The following LNPEP variants were observed in gnomAD, a reference collection of about 807,000 sequenced individuals.
LNPEP encodes the protein leucyl and cystinyl aminopeptidase, also known as leucyl-cystinyl aminopeptidase.
A neutral mutation model predicts 120.6 loss-of-function variants in LNPEP; 64 were observed. The ratio of observed to expected loss-of-function variants is 0.53; its 90% confidence interval spans 0.43 to 0.65. The LOEUF is 0.65. Among genes scored for constraint, LNPEP ranks in the 30% least tolerant of loss-of-function variants. The pLI is 0.00. For missense variants in LNPEP, 1,057 were observed against 1,200.0 expected, an observed-to-expected ratio of 0.88 and a Z score of 1.76; for synonymous variants, 435 against 425.4, an observed-to-expected ratio of 1.02 and a Z score of -0.28.
In LNPEP at chr5:97,026,617, G is replaced by T. The variant is rs796425035; in HGVS notation, c.2724G>T (p.Trp908Cys). Residue 908 changes from tryptophan (W) to cysteine (C), a missense_variant and splice_region_variant, in exon 16 of 18, where the codon TGG (tryptophan) becomes TGT (cysteine). Transcript: ENST00000231368. ...ASSEDVRKLY[W>C]LMKSSLNGDN... is the part of the protein sequence containing the mutation. ...AGGCTAAATCTGCTTTGCTCTTCAG[G>T]TTAATGAAAAGTAGCCTGAATGGAG... 1 of 1,612,080 alleles carries T rather than the reference G, an allele frequency of 6.2e-7. No individual in the cohort carries two copies. The highest frequency in any genetic ancestry group is 1.3e-5 in the African/African-American group (1 of 74,856).
chr5:97,033,050 ATAGAG>A lies in LNPEP; in HGVS notation c.*4521_*4525del, dbSNP rs993712483. Reference sequence around the variant, plus strand: ...TTACTGCCTATTTAGGCAATAGCTAATAGAGTAGTTTGTTTTGTTTTGGGGTGTGG... The same window carrying A: ...TTACTGCCTATTTAGGCAATAGCTAATAGTTTGTTTTGTTTTGGGGTGTGG... On this transcript the variant is annotated 3_prime_UTR_variant, in exon 18 of 18. Transcript: ENST00000231368. 12 of 152,208 alleles carry A rather than the reference ATAGAG, an allele frequency of 7.9e-5. No individual in the cohort carries two copies. The highest frequency in any genetic ancestry group is 2.9e-4 in the African/African-American group (12 of 41,446). The allele number at this position is 152,208 out of a possible 1,614,324, so 9.4% of individuals were successfully genotyped here.
At chr5:97,001,651 T>C (rs1219590052) in intron 8 of LNPEP, among the ~76,000 whole-genome samples, 2 of 152,112 alleles carry the variant, frequency 1.3e-5, no homozygotes, top group Admixed American at 6.5e-5. Flanking sequence ...ACTTTCTTCA[T>C]TGGAAGATGA....
rs150401290 is a variant in LNPEP, at chr5:97,012,204, C to T, written c.2036-1444C>T. Among the ~76,000 whole-genome samples, 918 of 151,944 alleles carry T rather than the reference C, an allele frequency of 6.0e-3. 4 individuals carry two copies. The highest frequency in any genetic ancestry group is 9.1e-3 in the South Asian group (44 of 4,820). On this transcript the variant is annotated intron_variant, in intron 11 of 17. Transcript: ENST00000231368. ...CTTATGAAGACAATGGAAAAATGTG[C>T]GGGGGGATCTGATAGGTGAAAAAGG...
chr5:96,979,688 C>G lies in LNPEP; in HGVS notation c.570C>G (p.Phe190Leu). 1 of 1,614,054 alleles carries G rather than the reference C, an allele frequency of 6.2e-7. No individual in the cohort carries two copies. Among genetic ancestry groups the G allele is most frequent in the African/African-American group, 1.3e-5 (1 of 75,036 alleles). ...SLHPNLTSMT[F>L]RGSVTISVQA... The stretch of plus-strand genomic sequence containing the variant: ...ACCCGAACCTAACCTCGATGACATT[C>G]AGGGGTTCTGTGACAATTTCAGTTC... The change falls in exon 2 of 18, where the codon TTC (phenylalanine) becomes TTG (leucine). Residue 190 changes from phenylalanine (F) to leucine (L), a missense_variant. Physicochemically the swap from Phe to Leu is conservative, Grantham distance 22. Transcript: ENST00000231368.
rs935725072 is a variant in LNPEP, at chr5:97,003,294, T to C, written c.1654-121T>C. ...AGACTAAGTAGCAGTATATTATAAC[T>C]AAGTTCTACATATGAAAGTAAATTT... On this transcript the variant is annotated intron_variant, in intron 8 of 17. Coordinates refer to ENST00000231368, the MANE Select transcript of LNPEP (RefSeq NM_005575.3). 14 of 583,360 alleles carry C rather than the reference T, an allele frequency of 2.4e-5. No individual in the cohort carries two copies. The Admixed American group carries it at 4.3e-4, about 18-fold the overall frequency. The allele number at this position is 583,360 out of a possible 1,614,324, so 36.1% of individuals were successfully genotyped here. A position where few individuals can be genotyped will look rare whatever the true frequency, so the allele number is the denominator to read the frequency against.
At position 96,996,480 on chromosome 5, in the gene LNPEP, A is replaced by G; in HGVS notation, c.1498A>G (p.Lys500Glu). 2 of 1,595,872 alleles carry G rather than the reference A, an allele frequency of 1.3e-6. No individual in the cohort carries two copies. Among genetic ancestry groups the G allele is most frequent in the Non-Finnish European group, 1.7e-6 (2 of 1,164,214 alleles). Residue 500 changes from lysine to glutamate, a missense_variant, in exon 7 of 18, where the codon AAA (lysine) becomes GAA (glutamate). Coordinates refer to ENST00000231368, the MANE Select transcript of LNPEP (RefSeq NM_005575.3). ...ATFMEYFSLEKIFKELSSYED... is the reference protein window; with the variant it reads ...ATFMEYFSLEEIFKELSSYED... ...TTTCATGGAGTATTTCTCTTTGGAAAAAATATTCAAAGAGCTTTCTAGTGT... is the reference window on the plus strand; with the variant it reads ...TTTCATGGAGTATTTCTCTTTGGAAGAAATATTCAAAGAGCTTTCTAGTGT...
intron 1 of LNPEP, among the ~76,000 whole-genome samples, chr5:96,955,539 C>A (rs1789446627): frequency 6.6e-6 from 1 of 152,154 alleles, no homozygotes; most frequent in Non-Finnish European, 1.5e-5. Context: ...CACTTGAACC[C>A]AGGAGGCAGA....
intron 10 of LNPEP, 73 bp downstream of exon 10, chr5:97,006,306 T>A: frequency 7.1e-7 from 1 of 1,400,536 alleles, no homozygotes; most frequent in Non-Finnish European, 9.9e-7. Flanking sequence ...TGTTTTATAA[T>A]CATAAGTTCT....
chr5:96,998,151 G>T lies in LNPEP; in HGVS notation c.1653+6G>T. ...ATTCTCTTTCCTATTTTAAGGTATT[G>T]CTGTGAACAAAAAGGTAGCTGGAGT... On this transcript the variant is annotated splice_donor_region_variant and intron_variant, in intron 8 of 17. Coordinates refer to ENST00000231368, the MANE Select transcript of LNPEP (RefSeq NM_005575.3). 6.3e-7 allele frequency: 1 copy of T among 1,587,080 alleles called. No homozygotes were observed. The highest frequency in any genetic ancestry group is 1.2e-5 in the South Asian group (1 of 86,192).
At chr5:97,028,377 A>C in intron 17 of LNPEP, 25 bp from the exon 18 acceptor site, 1 of 1,612,034 alleles carries the variant, frequency 6.2e-7, no homozygotes, top group South Asian at 1.1e-5. Context: ...TCTTCTTTTG[A>C]AATTCTTCTG....
intron 1 of LNPEP, among the ~76,000 whole-genome samples, chr5:96,950,713 G>T (rs1330609971): frequency 2.0e-5 from 3 of 152,270 alleles, no homozygotes; most frequent in Middle Eastern, 3.4e-3. Flanking sequence ...TTAATCAAAG[G>T]TTAAAAATCA....
At position 96,936,122 on chromosome 5, in the gene LNPEP, C is replaced by A; in HGVS notation, c.-34C>A. On this transcript the variant is annotated 5_prime_UTR_variant, in exon 1 of 18. Coordinates refer to ENST00000231368, the MANE Select transcript of LNPEP (RefSeq NM_005575.3). ...CAGCTCTCGGAGTAGGAAGCTCGGGCGCTCCGGCTGTAAGGAGCCGCGGCG... is the reference window on the plus strand; with the variant it reads ...CAGCTCTCGGAGTAGGAAGCTCGGGAGCTCCGGCTGTAAGGAGCCGCGGCG... 1 of 1,513,894 alleles carries A rather than the reference C, an allele frequency of 6.6e-7. No individual in the cohort carries two copies. Among genetic ancestry groups the A allele is most frequent in the Non-Finnish European group, 8.8e-7 (1 of 1,131,318 alleles). 93.8% of individuals were successfully genotyped at this position (1,513,894 alleles called of 1,614,324 possible).
chr5:96,961,389 A>G (rs868570160), intron 1 of LNPEP, among the ~76,000 whole-genome samples: 74 of 152,310 alleles, frequency 4.9e-4, no homozygotes, highest in African/African-American at 1.6e-3. Flanking sequence ...TTAAAAATTA[A>G]AAAAAGAAAT....
chr5:97,028,208 T>A (rs1000712703), intron 17 of LNPEP, among the ~76,000 whole-genome samples, 194 bp from the exon 18 acceptor site: 1 of 152,216 alleles, frequency 6.6e-6, no homozygotes, highest in Non-Finnish European at 1.5e-5. Context: ...ATTTCCTTTT[T>A]AAAATCATTT....
chr5:96,990,579 C>T (rs1338503920), intron 4 of LNPEP, among the ~76,000 whole-genome samples: 2 of 152,100 alleles, frequency 1.3e-5, no homozygotes, highest in African/African-American at 4.8e-5. Context: ...TTGTGTCACG[C>T]ACTAATCTAA....
At position 97,035,595 on chromosome 5, in the gene LNPEP, G is replaced by A. The variant is rs889996268; in HGVS notation, c.*7062G>A. Reference sequence around the variant, plus strand: ...CAGTAGCTAGTGTAGTTATTTTGTGGTTATTTTATTTCATTCTCTAGGATC... The same window carrying A: ...CAGTAGCTAGTGTAGTTATTTTGTGATTATTTTATTTCATTCTCTAGGATC... On this transcript the variant is annotated 3_prime_UTR_variant, in exon 18 of 18. Coordinates refer to ENST00000231368, the MANE Select transcript of LNPEP (RefSeq NM_005575.3). 2 of 152,036 alleles carry A rather than the reference G, an allele frequency of 1.3e-5. No individual in the cohort carries two copies. The highest frequency in any genetic ancestry group is 2.4e-5 in the African/African-American group (1 of 41,390). The allele number at this position is 152,036 out of a possible 1,614,324, so 9.4% of individuals were successfully genotyped here.
intron 1 of LNPEP, among the ~76,000 whole-genome samples, chr5:96,968,675 T>G (rs1320817109): frequency 6.6e-6 from 1 of 151,924 alleles, no homozygotes; most frequent in East Asian, 1.9e-4. Context: ...TGAAAGAAAC[T>G]AGGAATTTGA....
chr5:97,023,765 C>T (rs144436570), intron 14 of LNPEP, among the ~76,000 whole-genome samples: 68 of 152,216 alleles, frequency 4.5e-4, no homozygotes, highest in African/African-American at 1.6e-3. Flanking sequence ...ATTGCTGGAT[C>T]ATATGGTAAT....
At chr5:96,936,203 C>T in intron 1 of LNPEP, 29 bp downstream of exon 1, 1 of 1,428,268 alleles carries the variant, frequency 7.0e-7, no homozygotes, top group Non-Finnish European at 9.2e-7. Context: ...CGCCGGGACC[C>T]GGGCTCTCCG....
Sources: gnomAD v4.1 joint callset for allele counts (sites outside exome capture counted in the v4.1 genomes callset) on GRCh38, gnomAD v4.1.1 for gene constraint, MANE v1.5 for transcripts, NCBI Gene and HGNC (gene_info 2026-07-23, HGNC 2026-07-21) for gene names.